Variants in SRSF12 observed in about 807,000 individuals in gnomAD.
SRSF12 encodes serine/arginine-rich splicing factor 12.
Under a neutral mutation model 34.1 loss-of-function variants are expected in SRSF12, and 21 were observed. That is an observed-to-expected ratio of 0.62 (90% CI 0.44 to 0.89). The LOEUF (loss-of-function observed/expected upper bound fraction) is 0.89, where lower values mean the gene tolerates loss of function less well. Among genes scored for constraint, SRSF12 ranks in the 40% least tolerant of loss-of-function variants. SRSF12 has a pLI of 0.00. For synonymous variants in SRSF12, 111 were observed against 110.8 expected (o/e 1.00, Z -0.01); for missense variants, 278 against 327.8 (o/e 0.85, Z 1.17).
At position 89,097,182 on chromosome 6, in the gene SRSF12, CAG is replaced by C. The variant is rs777290819; in HGVS notation, c.*1394_*1395del. The C allele has an allele frequency of 1.5e-4, 23 of 152,012 alleles. No homozygotes were observed. Among genetic ancestry groups the C allele is most frequent in the Non-Finnish European group, 2.9e-4 (20 of 67,984 alleles). 9.4% of individuals were successfully genotyped at this position (152,012 alleles called of 1,614,324 possible). A position where few individuals can be genotyped will look rare whatever the true frequency, so the allele number is the denominator to read the frequency against. On this transcript the variant is annotated 3_prime_UTR_variant, in exon 5 of 5. Transcript: ENST00000452027. ...GCTCCTATATACTAAAAATATAAGA[CAG>C]ATTTTTTTCTTAAACACTCTGGATA...
Position 89,098,722 on chromosome 6 carries a change from T to C in SRSF12, c.642A>G (p.Gly214=). 1.2e-6 allele frequency: 2 copies of C among 1,613,954 alleles called. No homozygotes were observed. Residue 214 remains glycine (G), a synonymous_variant, in exon 5 of 5, where the codon GGA becomes GGG. Coordinates refer to ENST00000452027, the MANE Select transcript of SRSF12 (RefSeq NM_080743.5). Reference sequence around the variant, plus strand: ...ATCTTGCTATTGAGTCAGAATGTCTTCCATGTGATCTTGATTTTGTTCCTG... The same window carrying C: ...ATCTTGCTATTGAGTCAGAATGTCTCCCATGTGATCTTGATTTTGTTCCTG... ...TSSGTKSRSH[G]RHSDSIARSP... is the part of the protein sequence containing the mutation.
intron 4 of SRSF12, among the ~76,000 whole-genome samples, chr6:89,103,762 T>C (rs969184294): frequency 2.0e-5 from 3 of 152,184 alleles, no homozygotes; most frequent in Non-Finnish European, 2.9e-5. Context: ...ACCTGGTCCA[T>C]ATAATTAATT....
Position 89,104,223 on chromosome 6 carries a change from C to CTT in SRSF12, c.416+894_416+895dup, listed in dbSNP as rs138798211. Reference sequence around the variant, plus strand: ...ATTTTATTTATCTAAAACTCATCACCTTTTTTTTTTTTTTTTTTTGCTTTT... The same window carrying CTT: ...ATTTTATTTATCTAAAACTCATCACCTTTTTTTTTTTTTTTTTTTTTGCTTTT... On this transcript the variant is annotated intron_variant, in intron 4 of 4. Coordinates refer to ENST00000452027, the MANE Select transcript of SRSF12 (RefSeq NM_080743.5). Among the ~76,000 whole-genome samples, 46 of 123,548 alleles carry CTT rather than the reference C, an allele frequency of 3.7e-4. 1 individual carries two copies. Among genetic ancestry groups the CTT allele is most frequent in the African/African-American group, 1.1e-3 (36 of 31,782 alleles). The allele number at this position is 123,548 out of a possible 152,430, so 81.1% of individuals were successfully genotyped here. A position where few individuals can be genotyped will look rare whatever the true frequency, so the allele number is the denominator to read the frequency against.
chr6:89,099,443 C>CACAT (rs1768420985), intron 4 of SRSF12, among the ~76,000 whole-genome samples: 3 of 138,746 alleles, frequency 2.2e-5, no homozygotes, highest in African/African-American at 8.7e-5. Flanking sequence ...TATATATACA[C>CACAT]ATATATATGT....
chr6:89,114,703 A>T (rs1201075209), intron 1 of SRSF12, among the ~76,000 whole-genome samples: 6 of 152,250 alleles, frequency 3.9e-5, no homozygotes, highest in African/African-American at 1.4e-4. Context: ...ATCAGAGATC[A>T]GGTGTCACCT....
In SRSF12 at chr6:89,098,758, CT is replaced by C. The variant is rs1353960949; in HGVS notation, c.605del (p.Lys202SerfsTer19). ...IGKSQSSSPQ[K>X]QTSSGTKSRS... is the part of the protein sequence containing the mutation. ...TTGATTTTGTTCCTGAGCTAGTCTG[CT>C]TTTGAGGTGAACTTGACTGTGATTT... On this transcript the variant is annotated frameshift_variant, in exon 5 of 5. Transcript: ENST00000452027. LOFTEE classifies it high-confidence loss of function. The C allele has an allele frequency of 3.1e-6, 5 of 1,613,828 alleles. No homozygotes were observed. In the African/African-American group the frequency reaches 6.7e-5, roughly 22 times the overall value.
At chr6:89,103,577 C>T (rs186516081) in intron 4 of SRSF12, among the ~76,000 whole-genome samples, 5 of 152,302 alleles carry the variant, frequency 3.3e-5, no homozygotes, top group Non-Finnish European at 4.4e-5. Context: ...GATCCGCCCC[C>T]GCCCTGGCCT....
At position 89,117,935 on chromosome 6, in the gene SRSF12, G is replaced by A. The variant is rs1442621016; in HGVS notation, c.-48C>T. 6 of 1,526,010 alleles carry A rather than the reference G, an allele frequency of 3.9e-6. No homozygotes were observed. Among genetic ancestry groups the A allele is most frequent in the African/African-American group, 1.4e-5 (1 of 69,382 alleles). The allele number at this position is 1,526,010 out of a possible 1,614,324, so 94.5% of individuals were successfully genotyped here. A position where few individuals can be genotyped will look rare whatever the true frequency, so the allele number is the denominator to read the frequency against. ...GGGTCTGCCCGCGGCCGCTGGACTC[G>A]CTCCGTCTCCCGCTACCGCTGCTAC... On this transcript the variant is annotated 5_prime_UTR_variant, in exon 1 of 5. Coordinates refer to ENST00000452027, the MANE Select transcript of SRSF12 (RefSeq NM_080743.5).
At chr6:89,113,789 C>T (rs1052186489) in intron 1 of SRSF12, among the ~76,000 whole-genome samples, 1 of 152,090 alleles carries the variant, frequency 6.6e-6, no homozygotes, top group East Asian at 1.9e-4. Context: ...ACTACAGGTG[C>T]GCACTACCAC....
At chr6:89,110,075 A>T (rs1042776905) in intron 1 of SRSF12, among the ~76,000 whole-genome samples, 29 of 151,480 alleles carry the variant, frequency 1.9e-4, no homozygotes, top group Admixed American at 1.9e-3. Flanking sequence ...TGGGCAACAG[A>T]GCAAGACTCT....
intron 1 of SRSF12, among the ~76,000 whole-genome samples, chr6:89,115,921 C>T (rs1769274891): frequency 6.6e-6 from 1 of 152,188 alleles, no homozygotes; most frequent in South Asian, 2.1e-4. Context: ...AGGCATGAGC[C>T]ACCGCACCCG....
chr6:89,109,609 G>A (rs1402801174), intron 1 of SRSF12, among the ~76,000 whole-genome samples: 1 of 152,196 alleles, frequency 6.6e-6, no homozygotes, highest in Non-Finnish European at 1.5e-5. Context: ...TGCCACAGAG[G>A]TCTGGAGTCT....
At chr6:89,115,055 C>T (rs1464688703) in intron 1 of SRSF12, among the ~76,000 whole-genome samples, 3 of 151,962 alleles carry the variant, frequency 2.0e-5, no homozygotes, top group Non-Finnish European at 4.4e-5. Context: ...CTCGGCCTCC[C>T]AAAGTGCTGG....
At chr6:89,104,900 A>T (rs939502040) in intron 4 of SRSF12, among the ~76,000 whole-genome samples, 19 of 152,052 alleles carry the variant, frequency 1.2e-4, no homozygotes, top group South Asian at 6.2e-4. Context: ...ACAAAAAATT[A>T]AAAAAATTAG....
chr6:89,112,193 G>A (rs1445060662), intron 1 of SRSF12, among the ~76,000 whole-genome samples: 1 of 151,818 alleles, frequency 6.6e-6, no homozygotes, highest in African/African-American at 2.4e-5. Context: ...TGGAATTACA[G>A]GCATGAGCCA....
chr6:89,117,814 G>A lies in SRSF12; in HGVS notation c.65+9C>T, dbSNP rs1175341245. On this transcript the variant is annotated intron_variant, in intron 1 of 4. Coordinates refer to ENST00000452027, the MANE Select transcript of SRSF12 (RefSeq NM_080743.5). ...TCCGCGCCCCCAACCTGCAGCCGCG[G>A]CCGTTCACCTGGTGGCGTCCGCGAC... 6.4e-7 allele frequency: 1 copy of A among 1,550,760 alleles called. No individual in the cohort carries two copies. The highest frequency in any genetic ancestry group is 2.7e-5 in the East Asian group (1 of 37,166).
In SRSF12 at chr6:89,107,844, A is replaced by G. The variant is rs190547673; in HGVS notation, c.66-586T>C. 1.9e-3 allele frequency among the ~76,000 whole-genome samples: 295 copies of G among 152,310 alleles called. 3 individuals are homozygous for G. The highest frequency in any genetic ancestry group is 6.2e-3 in the African/African-American group (258 of 41,574). On this transcript the variant is annotated intron_variant, in intron 1 of 4. Coordinates refer to ENST00000452027, the MANE Select transcript of SRSF12 (RefSeq NM_080743.5). ...AGAGGCTGGAAATCTGTATCTTTAC[A>G]AGCACTCCAGGTGGTTGTTATGCTT...
At chr6:89,115,197 A>C (rs1769236052) in intron 1 of SRSF12, among the ~76,000 whole-genome samples, 1 of 151,814 alleles carries the variant, frequency 6.6e-6, no homozygotes, top group Non-Finnish European at 1.5e-5. Context: ...TCCCGGGCTC[A>C]AGTGACCTCC....
rs1052100422 is a variant in SRSF12 at position 89,097,545 on chromosome 6, G to C, written c.*1033C>G. ...TCTTTTTTTTAAATTTTAGAGACAG[G>C]ATTTCACCATGTTGCCCAGGCTGGT... On this transcript the variant is annotated 3_prime_UTR_variant, in exon 5 of 5. Transcript: ENST00000452027. 6.6e-6 allele frequency: 1 copy of C among 151,836 alleles called. No homozygotes were observed. Among genetic ancestry groups the C allele is most frequent in the African/African-American group, 2.4e-5 (1 of 41,326 alleles). The allele number at this position is 151,836 out of a possible 1,614,324, so 9.4% of individuals were successfully genotyped here. A position where few individuals can be genotyped will look rare whatever the true frequency, so the allele number is the denominator to read the frequency against.
Sources: allele counts gnomAD v4.1 joint callset (sites outside exome capture counted in the v4.1 genomes callset), GRCh38; gene constraint gnomAD v4.1.1; transcripts MANE v1.5; gene names NCBI Gene and HGNC (gene_info 2026-07-23, HGNC 2026-07-21).